Variants in SHISA6 observed in about 807,000 individuals in gnomAD.
SHISA6 encodes shisa family member 6, also known as protein shisa-6.
Under a neutral mutation model 47.9 loss-of-function variants are expected in SHISA6, and 22 were observed. The observed-to-expected ratio is 0.46, with a 90% confidence interval of 0.33 to 0.66. The LOEUF (loss-of-function observed/expected upper bound fraction) is 0.66. SHISA6 is among the 30% of genes least tolerant of loss of function. The probability of loss-of-function intolerance (pLI) is 0.02; values close to 1 mark genes in which losing one functional copy is unlikely to be tolerated. For missense variants in SHISA6, 680 were observed against 764.6 expected (o/e 0.89, Z 1.30); for synonymous variants, 388 against 337.8 (o/e 1.15, Z -1.63).
chr17:11,406,821 T>C (rs1336699028), intron 3 of SHISA6, among the ~76,000 whole-genome samples: 1 of 152,226 alleles, frequency 6.6e-6, no homozygotes, highest in Non-Finnish European at 1.5e-5. Flanking sequence ...CTGGCATATT[T>C]GCTCAAACTA....
In SHISA6 at chr17:11,558,460, G is replaced by A. The variant is rs1047360027; in HGVS notation, c.*156G>A. 1.4e-5 allele frequency: 11 copies of A among 792,534 alleles called. No individual in the cohort carries two copies. Among genetic ancestry groups the A allele is most frequent in the African/African-American group, 5.2e-5 (3 of 57,452 alleles). The allele number at this position is 792,534 out of a possible 1,614,324, so 49.1% of individuals were successfully genotyped here. A position where few individuals can be genotyped will look rare whatever the true frequency, so the allele number is the denominator to read the frequency against. Reference sequence around the variant, plus strand: ...CCTTTGCCCAAAAAGCCATACCCCCGGGGACACAGCCCCGATGGCCTGGTC... The same window carrying A: ...CCTTTGCCCAAAAAGCCATACCCCCAGGGACACAGCCCCGATGGCCTGGTC... On this transcript the variant is annotated 3_prime_UTR_variant, in exon 6 of 6. Transcript: ENST00000441885.
intron 2 of SHISA6, among the ~76,000 whole-genome samples, chr17:11,331,689 CTTCTT>C (rs1156571120): frequency 6.6e-6 from 1 of 152,086 alleles, no homozygotes; most frequent in African/African-American, 2.4e-5. Context: ...TATTTCTTCT[CTTCTT>C]GTCTATCTTT....
At chr17:11,407,267 G>A (rs966268120) in intron 3 of SHISA6, among the ~76,000 whole-genome samples, 1 of 151,956 alleles carries the variant, frequency 6.6e-6, no homozygotes, top group Non-Finnish European at 1.5e-5. Context: ...ACATATACCT[G>A]GTAAGTGGTG....
At chr17:11,341,308 C>T (rs1028715791) in intron 2 of SHISA6, among the ~76,000 whole-genome samples, 6 of 151,002 alleles carry the variant, frequency 4.0e-5, no homozygotes, top group African/African-American at 1.5e-4. Context: ...AAATAGGAAT[C>T]CCATTCTTTC....
At position 11,260,354 on chromosome 17, in the gene SHISA6, C is replaced by A. The variant is rs140511363; in HGVS notation, c.639-3012C>A. On this transcript the variant is annotated intron_variant, in intron 1 of 5. Coordinates refer to ENST00000441885, the MANE Select transcript of SHISA6 (RefSeq NM_207386.4). ...GTGGGTGGGGGATGGTTGGAAGGAG[C>A]ATACTACTAAGGTGACTCTTCACTT... Among the ~76,000 whole-genome samples, 393 of 152,202 alleles carry A rather than the reference C, an allele frequency of 2.6e-3. 4 individuals carry two copies. In the Middle Eastern group the frequency reaches 0.034, roughly 13 times the overall value.
chr17:11,470,069 T>C (rs1180427574), intron 3 of SHISA6, among the ~76,000 whole-genome samples: 1 of 152,146 alleles, frequency 6.6e-6, no homozygotes, highest in Non-Finnish European at 1.5e-5. Flanking sequence ...GAAGTTGCCT[T>C]CTGCAACCCA....
chr17:11,523,832 T>C (rs1567628774), intron 3 of SHISA6, among the ~76,000 whole-genome samples: 1 of 151,716 alleles, frequency 6.6e-6, no homozygotes, highest in Non-Finnish European at 1.5e-5. Context: ...ATGGAGAAAC[T>C]CTGTCTCTAC....
At chr17:11,546,646 C>T (rs541742263) in intron 3 of SHISA6, among the ~76,000 whole-genome samples, 5 of 152,146 alleles carry the variant, frequency 3.3e-5, no homozygotes, top group Admixed American at 6.5e-5. Flanking sequence ...AGGGGCCAGT[C>T]GCAGTGGCTC....
chr17:11,490,333 G>GA (rs1916443401), intron 3 of SHISA6, among the ~76,000 whole-genome samples: 1 of 152,136 alleles, frequency 6.6e-6, no homozygotes, highest in Non-Finnish European at 1.5e-5. Context: ...CAGACACTGA[G>GA]AGGGAGTAAG....
intron 3 of SHISA6, among the ~76,000 whole-genome samples, chr17:11,511,893 A>G (rs981853915): frequency 6.6e-6 from 1 of 152,242 alleles, no homozygotes; most frequent in Admixed American, 6.5e-5. Flanking sequence ...CTGGATGTGT[A>G]CACAAGCCAG....
At chr17:11,323,064 A>G (rs34928296) in intron 2 of SHISA6, among the ~76,000 whole-genome samples, 7,722 of 152,286 alleles carry the variant, frequency 0.051, 237 homozygotes, top group Middle Eastern at 0.1. Flanking sequence ...TTCCCATCCT[A>G]TGCCCACAGG....
chr17:11,323,112 CA>C (rs1215103741), intron 2 of SHISA6, among the ~76,000 whole-genome samples: 1 of 152,186 alleles, frequency 6.6e-6, no homozygotes, highest in Non-Finnish European at 1.5e-5. Context: ...AGCAAGTTCA[CA>C]AAAGAACTTG....
chr17:11,397,395 C>CTGTGTGTGTGTGTGTGTG lies in SHISA6; in HGVS notation c.895+17904_895+17921dup, dbSNP rs3034221. ...TAAATGTCTACTCTCTTACCTGCCT[C>CTGTGTGTGTGTGTGTGTG]TGTGTGTGTGTGTGTGTGTGTGTGT... On this transcript the variant is annotated intron_variant, in intron 3 of 5. Transcript: ENST00000441885. Among the ~76,000 whole-genome samples, 1,101 of 140,476 alleles carry CTGTGTGTGTGTGTGTGTG rather than the reference C, an allele frequency of 7.8e-3. 8 individuals are homozygous for CTGTGTGTGTGTGTGTGTG. The highest frequency in any genetic ancestry group is 0.014 in the African/African-American group (512 of 36,400). 92.2% of individuals were successfully genotyped at this position (140,476 alleles called of 152,430 possible).
rs370879983 is a variant in SHISA6, at chr17:11,421,387, C to T, written c.895+41878C>T. 3.9e-5 allele frequency among the ~76,000 whole-genome samples: 6 copies of T among 152,234 alleles called. No individual in the cohort carries two copies. The East Asian group carries it at 5.8e-4, about 15-fold the overall frequency. On this transcript the variant is annotated intron_variant, in intron 3 of 5. Transcript: ENST00000441885. ...AACAGCACCAGGGGGATTTCTTGGG[C>T]CCCATCAATGTCTACTGTTAAAGTT...
chr17:11,273,308 G>A (rs1346642101), intron 2 of SHISA6, among the ~76,000 whole-genome samples: 1 of 152,180 alleles, frequency 6.6e-6, no homozygotes, highest in Non-Finnish European at 1.5e-5. Flanking sequence ...CTCCAGCTAC[G>A]TGAATCCTGT....
chr17:11,267,386 G>A (rs960758516), intron 2 of SHISA6, among the ~76,000 whole-genome samples: 1 of 152,126 alleles, frequency 6.6e-6, no homozygotes, highest in African/African-American at 2.4e-5. Flanking sequence ...ATCCTCAGAG[G>A]ATTTGTACAC....
chr17:11,486,002 G>A (rs999189648), intron 3 of SHISA6, among the ~76,000 whole-genome samples: 6 of 152,134 alleles, frequency 3.9e-5, no homozygotes, highest in African/African-American at 1.4e-4. Context: ...TGTTCTTCAG[G>A]TTGGGAGATA....
chr17:11,441,792 C>G (rs996242265), intron 3 of SHISA6, among the ~76,000 whole-genome samples: 1 of 152,160 alleles, frequency 6.6e-6, no homozygotes, highest in South Asian at 2.1e-4. Flanking sequence ...TCAGATGGAC[C>G]TTGAGTTGTG....
At chr17:11,554,562 A>G (rs2071958918) in intron 4 of SHISA6, among the ~76,000 whole-genome samples, 1 of 152,266 alleles carries the variant, frequency 6.6e-6, no homozygotes, top group East Asian at 1.9e-4. Context: ...CCTCCTGCAC[A>G]TTCGACCGAA....
Sources: allele counts gnomAD v4.1 joint callset (sites outside exome capture counted in the v4.1 genomes callset), GRCh38; gene constraint gnomAD v4.1.1; transcripts MANE v1.5; gene names NCBI Gene and HGNC (gene_info 2026-07-23, HGNC 2026-07-21).